SATB2: variants seen among roughly 807,000 people sequenced by gnomAD.
The protein encoded by SATB2 is SATB homeobox 2.
SATB2 carries 1 observed loss-of-function variant against 73.4 expected under a neutral mutation model. That is an observed-to-expected ratio of 0.01 (90% CI 0.00 to 0.06). The LOEUF (loss-of-function observed/expected upper bound fraction) is 0.06, where lower values mean the gene tolerates loss of function less well. SATB2 is among the 10% of genes least tolerant of loss of function. The pLI, the probability that SATB2 is intolerant of heterozygous loss-of-function variation, is 1.00. For missense variants in SATB2, 459 were observed against 945.8 expected (o/e 0.49, Z 6.75); for synonymous variants, 397 against 367.0 (o/e 1.08, Z -0.93).
At chr2:199,307,699 G>T (rs1042083959) in intron 10 of SATB2, among the ~76,000 whole-genome samples, 1 of 152,152 alleles carries the variant, frequency 6.6e-6, no homozygotes, top group African/African-American at 2.4e-5. Flanking sequence ...TAGATGAAAA[G>T]TGACATAAAG....
At chr2:199,422,947 C>T (rs961094179) in intron 3 of SATB2, among the ~76,000 whole-genome samples, 4 of 152,218 alleles carry the variant, frequency 2.6e-5, no homozygotes, top group Non-Finnish European at 5.9e-5. Context: ...TTATCCTATT[C>T]CAAACATGAG....
At chr2:199,441,036 AG>A (rs1372273368) in intron 2 of SATB2, among the ~76,000 whole-genome samples, 1 of 151,898 alleles carries the variant, frequency 6.6e-6, no homozygotes, top group Non-Finnish European at 1.5e-5. Flanking sequence ...TTGTAGAGAC[AG>A]GGTTTCTCCA....
At chr2:199,362,878 GGC>G in intron 6 of SATB2, among the ~76,000 whole-genome samples, 2 of 152,114 alleles carry the variant, frequency 1.3e-5, no homozygotes, top group Admixed American at 1.3e-4. Flanking sequence ...AGCAGGGAGG[GGC>G]GTAAGGAAAT....
intron 6 of SATB2, among the ~76,000 whole-genome samples, chr2:199,351,942 T>C (rs1156457659): frequency 2.0e-5 from 3 of 152,144 alleles, no homozygotes; most frequent in Non-Finnish European, 4.4e-5. Flanking sequence ...GTGATCTCCA[T>C]TCACTGCAAC....
intron 3 of SATB2, among the ~76,000 whole-genome samples, chr2:199,394,561 G>C (rs1460356994): frequency 6.6e-6 from 1 of 152,086 alleles, no homozygotes; most frequent in African/African-American, 2.4e-5. Flanking sequence ...GGGAGGCTGA[G>C]GTGGGAGAAT....
chr2:199,348,625 G>A (rs765324384), intron 7 of SATB2, 76 bp downstream of exon 7: 1 of 1,172,494 alleles, frequency 8.5e-7, no homozygotes, highest in Non-Finnish European at 1.2e-6. Context: ...TTTTTAAAGA[G>A]ATAAAAATAA....
At chr2:199,315,172 C>G (rs939639224) in intron 9 of SATB2, among the ~76,000 whole-genome samples, 13 of 152,092 alleles carry the variant, frequency 8.5e-5, no homozygotes, top group East Asian at 3.9e-4. Context: ...TTTTCTCTCT[C>G]TGTGTGTATA....
At chr2:199,312,350 A>G (rs1559155796) in intron 9 of SATB2, among the ~76,000 whole-genome samples, 6 of 152,148 alleles carry the variant, frequency 3.9e-5, no homozygotes, top group Admixed American at 3.3e-4. Context: ...TTTCTCTCTT[A>G]GCCTGGTTTT....
intron 5 of SATB2, among the ~76,000 whole-genome samples, chr2:199,379,397 C>T (rs1259091176): frequency 6.6e-6 from 1 of 152,204 alleles, no homozygotes; most frequent in Non-Finnish European, 1.5e-5. Flanking sequence ...CTACACCAGA[C>T]AGGCAAAAGG....
At chr2:199,302,799 T>C (rs1008370142) in intron 10 of SATB2, among the ~76,000 whole-genome samples, 7 of 152,014 alleles carry the variant, frequency 4.6e-5, no homozygotes, top group Admixed American at 2.0e-4. Context: ...GCAGCTGGAG[T>C]AGAAAATCAG....
intron 10 of SATB2, among the ~76,000 whole-genome samples, chr2:199,285,496 T>C (rs1366370683): frequency 1.3e-5 from 2 of 152,088 alleles, no homozygotes; most frequent in Non-Finnish European, 2.9e-5. Flanking sequence ...CCTAACATTA[T>C]AGGACTTATT....
At chr2:199,437,423 C>T (rs1426994409) in intron 2 of SATB2, among the ~76,000 whole-genome samples, 2 of 152,176 alleles carry the variant, frequency 1.3e-5, no homozygotes, top group East Asian at 3.8e-4. Flanking sequence ...CTGTCATTTT[C>T]ATTCTGACAT....
chr2:199,345,754 T>C (rs1221609477), intron 7 of SATB2, among the ~76,000 whole-genome samples: 3 of 152,186 alleles, frequency 2.0e-5, no homozygotes, highest in African/African-American at 7.2e-5. Context: ...GCCTGCTAAA[T>C]GATATTCCTA....
At chr2:199,362,219 G>A (rs1182780934) in intron 6 of SATB2, among the ~76,000 whole-genome samples, 2 of 152,100 alleles carry the variant, frequency 1.3e-5, no homozygotes, top group Non-Finnish European at 2.9e-5. Context: ...TTCTAAACAT[G>A]CAATGCTCTT....
intron 6 of SATB2, among the ~76,000 whole-genome samples, chr2:199,363,745 T>C (rs1332670589): frequency 4.6e-5 from 7 of 152,222 alleles, no homozygotes; most frequent in Non-Finnish European, 1.0e-4. Context: ...CTTTGTACCC[T>C]GTAAACAGCT....
At chr2:199,325,135 A>G (rs1026902594) in intron 8 of SATB2, among the ~76,000 whole-genome samples, 4 of 152,052 alleles carry the variant, frequency 2.6e-5, no homozygotes, top group African/African-American at 9.7e-5. Flanking sequence ...AACTTCTGCC[A>G]TTTTTCTTCT....
At chr2:199,275,533 A>G (rs1235510510) in intron 10 of SATB2, among the ~76,000 whole-genome samples, 1 of 152,068 alleles carries the variant, frequency 6.6e-6, no homozygotes, top group African/African-American at 2.4e-5. Context: ...CTTAATTCCA[A>G]TTCGGAGGAT....
At chr2:199,354,485 G>T (rs1045059583) in intron 6 of SATB2, among the ~76,000 whole-genome samples, 1 of 152,160 alleles carries the variant, frequency 6.6e-6, no homozygotes, top group Non-Finnish European at 1.5e-5. Context: ...AGAGGGAATT[G>T]CCTGGAAAGG....
At chr2:199,354,337 C>CA (rs1688910478) in intron 6 of SATB2, among the ~76,000 whole-genome samples, 1 of 152,124 alleles carries the variant, frequency 6.6e-6, no homozygotes, top group African/African-American at 2.4e-5. Flanking sequence ...GCCTGGGTGA[C>CA]AGAGTGAGAT....
Sources: gnomAD v4.1 joint callset for allele counts (sites outside exome capture counted in the v4.1 genomes callset) on GRCh38, gnomAD v4.1.1 for gene constraint, MANE v1.5 for transcripts, NCBI Gene and HGNC (gene_info 2026-07-23, HGNC 2026-07-21) for gene names.